ADCY2: variants seen among roughly 807,000 people sequenced by gnomAD.
ADCY2 encodes the protein adenylate cyclase type 2.
A neutral mutation model predicts 125.2 loss-of-function variants in ADCY2; 31 were observed. The observed-to-expected ratio is 0.25, with a 90% CI of 0.19 to 0.33. The LOEUF (loss-of-function observed/expected upper bound fraction) is 0.33, where lower values mean the gene tolerates loss of function less well. ADCY2 is among the 10% of genes least tolerant of loss of function. The pLI is 1.00. For missense variants in ADCY2, 904 were observed against 1,418.2 expected (o/e 0.64, Z 5.82); for synonymous variants, 512 against 548.4 (o/e 0.93, Z 0.93).
chr5:7,622,491 A>G (rs1013266827), intron 3 of ADCY2, among the ~76,000 whole-genome samples: 2 of 152,238 alleles, frequency 1.3e-5, no homozygotes, highest in African/African-American at 4.8e-5. Context: ...GAATATATAA[A>G]TTAAAAATCA....
intron 16 of ADCY2, among the ~76,000 whole-genome samples, chr5:7,763,990 G>C (rs1312435101): frequency 6.6e-6 from 1 of 152,162 alleles, no homozygotes; most frequent in East Asian, 1.9e-4. Flanking sequence ...TTTATTCCCA[G>C]CCTGCATTTT....
chr5:7,601,737 C>T (rs907505916), intron 3 of ADCY2, among the ~76,000 whole-genome samples: 5 of 152,208 alleles, frequency 3.3e-5, no homozygotes, highest in African/African-American at 1.2e-4. Context: ...ACCCCATTCT[C>T]TCCTTCCCAT....
intron 3 of ADCY2, among the ~76,000 whole-genome samples, chr5:7,601,898 G>C (rs1737222188): frequency 6.6e-6 from 1 of 152,092 alleles, no homozygotes; most frequent in South Asian, 2.1e-4. Flanking sequence ...CTCTGTCATA[G>C]TTCCAAAACC....
intron 3 of ADCY2, among the ~76,000 whole-genome samples, chr5:7,564,869 G>T (rs1427366571): frequency 6.6e-6 from 1 of 152,136 alleles, no homozygotes; most frequent in Non-Finnish European, 1.5e-5. Context: ...CAGCCTAATG[G>T]TATACAAGAC....
intron 4 of ADCY2, among the ~76,000 whole-genome samples, chr5:7,662,938 G>A (rs559235099): frequency 5.9e-5 from 9 of 152,306 alleles, no homozygotes; most frequent in Admixed American, 3.9e-4. Flanking sequence ...TGTTTAAAGA[G>A]TGGTATGAGG....
intron 3 of ADCY2, among the ~76,000 whole-genome samples, chr5:7,597,461 A>G (rs1288812473): frequency 6.6e-6 from 1 of 152,218 alleles, no homozygotes; most frequent in Non-Finnish European, 1.5e-5. Flanking sequence ...CTTCAGGAGC[A>G]GTAGAATAGG....
chr5:7,798,573 C>CT (rs150114974), intron 20 of ADCY2: 41,904 of 115,270 alleles, frequency 0.36, 7,643 homozygotes, highest in Admixed American at 0.54. Context: ...TTGACTATTT[C>CT]TTTTTTTTTT....
At chr5:7,772,494 A>G (rs1047965661) in intron 17 of ADCY2, among the ~76,000 whole-genome samples, 5 of 152,314 alleles carry the variant, frequency 3.3e-5, no homozygotes, top group African/African-American at 1.2e-4. Flanking sequence ...TAACAGAGCT[A>G]TCTGTAATGA....
chr5:7,772,456 A>G (rs933161713), intron 17 of ADCY2, among the ~76,000 whole-genome samples: 1 of 152,192 alleles, frequency 6.6e-6, no homozygotes, highest in East Asian at 1.9e-4. Context: ...TTCTCTTTTA[A>G]TAAAATGTCT....
intron 3 of ADCY2, 35 bp from the exon 4 acceptor site, chr5:7,626,132 G>A: frequency 1.9e-6 from 3 of 1,594,158 alleles, no homozygotes; most frequent in Non-Finnish European, 2.6e-6. Context: ...GTGAGAAACA[G>A]TTACCCTATT....
chr5:7,551,377 AT>A (rs1239570955), intron 3 of ADCY2, among the ~76,000 whole-genome samples: 1 of 152,156 alleles, frequency 6.6e-6, no homozygotes, highest in Non-Finnish European at 1.5e-5. Context: ...CATTGTAAAT[AT>A]TGACAAACTG....
chr5:7,511,699 C>G (rs1475946123), intron 2 of ADCY2, among the ~76,000 whole-genome samples: 1 of 152,024 alleles, frequency 6.6e-6, no homozygotes, highest in African/African-American at 2.4e-5. Context: ...TGACAAGAAA[C>G]AGCCAGCCAA....
chr5:7,546,610 C>G, intron 3 of ADCY2, among the ~76,000 whole-genome samples: 1 of 152,208 alleles, frequency 6.6e-6, no homozygotes, highest in African/African-American at 2.4e-5. Flanking sequence ...CAGAATATAC[C>G]ATGAGGCTCC....
chr5:7,581,102 GA>G, intron 3 of ADCY2, among the ~76,000 whole-genome samples: 1 of 152,286 alleles, frequency 6.6e-6, no homozygotes. Flanking sequence ...TGAAATGATG[GA>G]AAGTTGGATT....
At chr5:7,432,897 A>AATATGTACTGCTTATTGT (rs150389379) in intron 2 of ADCY2, among the ~76,000 whole-genome samples, 1 of 151,636 alleles carries the variant, frequency 6.6e-6, no homozygotes, top group African/African-American at 2.4e-5. Context: ...GTACAATTTC[A>AATATGTACTGCTTATTGT]ACATGTACTG....
At chr5:7,800,703 C>G (rs1028406554) in intron 20 of ADCY2, 2 of 152,166 alleles carry the variant, frequency 1.3e-5, no homozygotes, top group African/African-American at 2.4e-5. Flanking sequence ...TAGATGCACC[C>G]TTTTCCTCAA....
chr5:7,730,752 G>A (rs1014846067), intron 14 of ADCY2, among the ~76,000 whole-genome samples: 4 of 152,016 alleles, frequency 2.6e-5, no homozygotes, highest in Non-Finnish European at 5.9e-5. Context: ...AAGTATTTCT[G>A]TCAGTCTCAT....
intron 14 of ADCY2, among the ~76,000 whole-genome samples, chr5:7,732,742 G>A (rs990771144): frequency 3.3e-5 from 5 of 152,160 alleles, no homozygotes; most frequent in Non-Finnish European, 7.3e-5. Flanking sequence ...AATTAAATGA[G>A]TGAGTGAGTA....
Position 7,748,368 on chromosome 5 carries a change from A to AT in ADCY2, c.1956+4619dup, listed in dbSNP as rs201712889. On this transcript the variant is annotated intron_variant, in intron 15 of 24. Coordinates refer to ENST00000338316, the MANE Select transcript of ADCY2 (RefSeq NM_020546.3). ...ATCGGATGCTATTTAGCATTTCAGA[A>AT]TTTAAAACTCAAGAGGTGAGAGGGA... 8.0e-3 allele frequency among the ~76,000 whole-genome samples: 1,213 copies of AT among 152,304 alleles called. 17 individuals are homozygous for AT. The highest frequency in any genetic ancestry group is 0.028 in the African/African-American group (1,160 of 41,564).
Sources: allele counts gnomAD v4.1 joint callset (sites outside exome capture counted in the v4.1 genomes callset), GRCh38; gene constraint gnomAD v4.1.1; transcripts MANE v1.5; gene names NCBI Gene and HGNC (gene_info 2026-07-23, HGNC 2026-07-21).